Variants in NKAIN3 observed in about 807,000 individuals in gnomAD.
NKAIN3 encodes the protein sodium/potassium transporting ATPase interacting 3.
Under a neutral mutation model 30.2 loss-of-function variants are expected in NKAIN3, and 25 were observed. That is an observed-to-expected ratio of 0.83 (90% confidence interval 0.60 to 1.16). The LOEUF is 1.16. Among genes scored for constraint, NKAIN3 ranks in the 50% most tolerant of loss-of-function variants. The pLI, the probability that NKAIN3 is intolerant of heterozygous loss-of-function variation, is 0.00. For missense variants in NKAIN3, 225 were observed against 254.1 expected, an observed-to-expected ratio of 0.89 and a Z score of 0.78; for synonymous variants, 91 against 89.6, an observed-to-expected ratio of 1.02 and a Z score of -0.09.
At chr8:62,756,830 C>A (rs1816468064) in intron 4 of NKAIN3, among the ~76,000 whole-genome samples, 1 of 152,128 alleles carries the variant, frequency 6.6e-6, no homozygotes, top group African/African-American at 2.4e-5. Context: ...TCAGTTATCC[C>A]AACCACAAAT....
chr8:62,948,953 A>G (rs1039458755), intron 5 of NKAIN3, among the ~76,000 whole-genome samples: 14 of 152,216 alleles, frequency 9.2e-5, no homozygotes, highest in African/African-American at 3.4e-4. Flanking sequence ...GGAGGATCCA[A>G]GTATCTATTC....
intron 3 of NKAIN3, among the ~76,000 whole-genome samples, chr8:62,671,428 A>G (rs1004426797): frequency 2.6e-5 from 4 of 152,206 alleles, no homozygotes; most frequent in Admixed American, 2.6e-4. Flanking sequence ...CTTCTTCATG[A>G]CATCAGAAAG....
In NKAIN3 at chr8:62,972,891, G is replaced by A. The variant is rs1387153580; in HGVS notation, c.*7484G>A. 1.4e-5 allele frequency among the ~76,000 whole-genome samples: 2 copies of A among 146,842 alleles called. No homozygotes were observed. The highest frequency in any genetic ancestry group is 5.1e-5 in the African/African-American group (2 of 38,984). The stretch of plus-strand genomic sequence containing the variant: ...CTCCCTGTGCCCATATGTTCTCATT[G>A]TTCAACTCCCACTTAAGAGTAAGAA... On this transcript the variant is annotated 3_prime_UTR_variant, in exon 7 of 7. Transcript: ENST00000623646.
At chr8:62,310,725 C>T (rs1040909402) in intron 1 of NKAIN3, among the ~76,000 whole-genome samples, 5 of 150,134 alleles carry the variant, frequency 3.3e-5, no homozygotes, top group African/African-American at 7.6e-5. Flanking sequence ...GGGGGTTGTA[C>T]GGTCATATCT....
intron 1 of NKAIN3, among the ~76,000 whole-genome samples, chr8:62,394,297 C>T (rs189105154): frequency 2.1e-3 from 319 of 151,756 alleles, no homozygotes; most frequent in African/African-American, 7.5e-3. Flanking sequence ...GTTTTTTCTT[C>T]CTCTACTAAG....
At chr8:62,667,663 G>A (rs1173944065) in intron 3 of NKAIN3, among the ~76,000 whole-genome samples, 5 of 151,708 alleles carry the variant, frequency 3.3e-5, no homozygotes, top group African/African-American at 4.8e-5. Flanking sequence ...TCGCCACCCC[G>A]CTGGTGCTTT....
intron 1 of NKAIN3, among the ~76,000 whole-genome samples, chr8:62,307,850 T>G (rs1814301627): frequency 6.6e-6 from 1 of 150,698 alleles, no homozygotes; most frequent in Non-Finnish European, 1.5e-5. Flanking sequence ...TCAGGTTGTG[T>G]AGTATGACTG....
intron 3 of NKAIN3, among the ~76,000 whole-genome samples, chr8:62,736,255 C>T (rs146477740): frequency 4.3e-4 from 65 of 152,266 alleles, no homozygotes; most frequent in Non-Finnish European, 8.2e-4. Context: ...AGGATTACGT[C>T]CTTTGTCTTT....
chr8:62,795,542 T>A (rs544136650), intron 4 of NKAIN3, among the ~76,000 whole-genome samples: 34 of 152,286 alleles, frequency 2.2e-4, no homozygotes, highest in Non-Finnish European at 4.3e-4. Flanking sequence ...TTACTCGCTA[T>A]AGAACGTTCA....
At chr8:62,824,288 T>C (rs562101476) in intron 4 of NKAIN3, among the ~76,000 whole-genome samples, 29 of 152,224 alleles carry the variant, frequency 1.9e-4, no homozygotes, top group Admixed American at 1.8e-3. Flanking sequence ...TGGTCCCGTA[T>C]GGGGAATTTG....
intron 4 of NKAIN3, among the ~76,000 whole-genome samples, chr8:62,884,796 G>T (rs1329304745): frequency 6.6e-6 from 1 of 152,002 alleles, no homozygotes. Flanking sequence ...TTGTCTTTTT[G>T]ATGCCTATGG....
rs375855274 is a variant in NKAIN3, at chr8:62,976,256, G to A, written c.*10849G>A. ...AATATCCTTGTTAATTTTCTATCTC[G>A]GTGATCTGTCTAATACACACAATGG... On this transcript the variant is annotated 3_prime_UTR_variant, in exon 7 of 7. Coordinates refer to ENST00000623646, the MANE Select transcript of NKAIN3 (RefSeq NM_001304533.3). 6.6e-5 allele frequency among the ~76,000 whole-genome samples: 10 copies of A among 151,804 alleles called. No individual in the cohort carries two copies. The highest frequency in any genetic ancestry group is 1.7e-4 in the African/African-American group (7 of 41,340).
intron 3 of NKAIN3, among the ~76,000 whole-genome samples, chr8:62,661,945 C>T (rs1032101115): frequency 6.6e-6 from 1 of 152,206 alleles, no homozygotes; most frequent in Admixed American, 6.5e-5. Context: ...GTCTCCAGCT[C>T]TCACTAGTAA....
At chr8:62,321,384 G>T (rs1419240364) in intron 1 of NKAIN3, among the ~76,000 whole-genome samples, 1 of 152,156 alleles carries the variant, frequency 6.6e-6, no homozygotes, top group African/African-American at 2.4e-5. Context: ...GAGCTGCGTT[G>T]CTTTGCAGGA....
intron 1 of NKAIN3, among the ~76,000 whole-genome samples, chr8:62,387,437 T>C (rs954239470): frequency 6.6e-6 from 1 of 152,104 alleles, no homozygotes; most frequent in African/African-American, 2.4e-5. Flanking sequence ...TTTCTGCATG[T>C]AAACACCCAT....
At position 62,712,986 on chromosome 8, in the gene NKAIN3, C is replaced by G. The variant is rs112170761; in HGVS notation, c.274-33946C>G. On this transcript the variant is annotated intron_variant, in intron 3 of 6. Transcript: ENST00000623646. ...TAAAGTCGGAAACTTCTCCCACAAACAGAACCTCAGCTTCTCCAGTGGGAG... is the reference window on the plus strand; with the variant it reads ...TAAAGTCGGAAACTTCTCCCACAAAGAGAACCTCAGCTTCTCCAGTGGGAG... Among the ~76,000 whole-genome samples, 443 of 152,332 alleles carry G rather than the reference C, an allele frequency of 2.9e-3. 2 individuals carry two copies. Among genetic ancestry groups the G allele is most frequent in the African/African-American group, 0.01 (420 of 41,578 alleles).
chr8:62,349,789 A>T (rs1385798412), intron 1 of NKAIN3, among the ~76,000 whole-genome samples: 1 of 152,146 alleles, frequency 6.6e-6, no homozygotes, highest in Admixed American at 6.5e-5. Context: ...AATTCTTCCC[A>T]GTCTCAAAGA....
At chr8:62,700,950 C>G (rs1274983924) in intron 3 of NKAIN3, among the ~76,000 whole-genome samples, 1 of 152,150 alleles carries the variant, frequency 6.6e-6, no homozygotes, top group African/African-American at 2.4e-5. Flanking sequence ...CAAATTATTT[C>G]TAAATATTAT....
At chr8:62,486,165 G>A (rs181871904) in intron 1 of NKAIN3, among the ~76,000 whole-genome samples, 187 of 152,196 alleles carry the variant, frequency 1.2e-3, no homozygotes, top group African/African-American at 4.3e-3. Flanking sequence ...ACATTTTAGA[G>A]GCAAAATAAA....
Sources: gnomAD v4.1 joint callset for allele counts (sites outside exome capture counted in the v4.1 genomes callset) on GRCh38, gnomAD v4.1.1 for gene constraint, MANE v1.5 for transcripts, NCBI Gene and HGNC (gene_info 2026-07-23, HGNC 2026-07-21) for gene names.